Variants in SHISAL1 observed in about 807,000 individuals in gnomAD.
SHISAL1 encodes shisa like 1.
A neutral mutation model predicts 22.6 loss-of-function variants in SHISAL1; 9 were observed. The ratio of observed to expected loss-of-function variants is 0.40; its 90% CI spans 0.24 to 0.70. The LOEUF is 0.70. Ranked by LOEUF, SHISAL1 falls within the 30% of genes least tolerant of loss-of-function variation. The pLI is 0.39. For synonymous variants in SHISAL1, 119 were observed against 115.4 expected (o/e 1.03, Z -0.20); for missense variants, 246 against 270.6 (o/e 0.91, Z 0.64).
chr22:44,311,720 G>T (rs2055520073), intron 1 of SHISAL1, among the ~76,000 whole-genome samples: 2 of 152,226 alleles, frequency 1.3e-5, no homozygotes, highest in African/African-American at 4.8e-5. Flanking sequence ...GAAGGCCCTA[G>T]ATGCCCCACT....
intron 4 of SHISAL1, among the ~76,000 whole-genome samples, chr22:44,259,518 CA>C (rs1012504567): frequency 4.1e-4 from 60 of 147,226 alleles, no homozygotes; most frequent in Non-Finnish European, 7.9e-4. Context: ...AGCTGGGAAA[CA>C]GCAGGATGGG....
At chr22:44,257,272 G>A (rs1425458784) in intron 4 of SHISAL1, among the ~76,000 whole-genome samples, 1 of 152,182 alleles carries the variant, frequency 6.6e-6, no homozygotes, top group African/African-American at 2.4e-5. Context: ...ACAGAAAGGT[G>A]GTTAACAGCA....
chr22:44,319,785 T>A, the SHISAL1 span, among the ~76,000 whole-genome samples: 1 of 152,190 alleles, frequency 6.6e-6, no homozygotes, highest in Non-Finnish European at 1.5e-5. Context: ...AGCATTTGGC[T>A]CAAGTCGTGA....
the SHISAL1 span, among the ~76,000 whole-genome samples, chr22:44,323,056 TCCACCCACCTCACCCACCCATCCAC>T: frequency 1.6e-5 from 2 of 125,168 alleles, no homozygotes; most frequent in African/African-American, 3.2e-5. Context: ...CATCCATCCA[TCCACCCACCTCACCCACCCATCCAC>T]CCATCCATCC....
rs2055027474 is a variant in SHISAL1 at position 44,249,106 on chromosome 22, C to A, written c.*579G>T. 6.6e-6 allele frequency: 1 copy of A among 152,064 alleles called. No individual in the cohort carries two copies. 9.4% of individuals were successfully genotyped at this position (152,064 alleles called of 1,614,324 possible). A position where few individuals can be genotyped will look rare whatever the true frequency, so the allele number is the denominator to read the frequency against. Reference sequence around the variant, plus strand: ...CTTAGCAATAAGCTTGCGGCTCGGACATTGACACGGATGAGAACCCCCAGC... The same window carrying A: ...CTTAGCAATAAGCTTGCGGCTCGGAAATTGACACGGATGAGAACCCCCAGC... On this transcript the variant is annotated 3_prime_UTR_variant, in exon 5 of 5. Transcript: ENST00000381176.
At chr22:44,307,446 C>T (rs1362012449) in intron 1 of SHISAL1, among the ~76,000 whole-genome samples, 3 of 152,192 alleles carry the variant, frequency 2.0e-5, no homozygotes, top group Non-Finnish European at 4.4e-5. Context: ...ACTGAAAAAG[C>T]TTCTGAGGCC....
At chr22:44,251,581 T>C (rs1569206069) in intron 4 of SHISAL1, among the ~76,000 whole-genome samples, 1 of 152,170 alleles carries the variant, frequency 6.6e-6, no homozygotes, top group Non-Finnish European at 1.5e-5. Context: ...CAGTTCCACA[T>C]GTCTGGGGAG....
At chr22:44,321,693 C>G in the SHISAL1 span, among the ~76,000 whole-genome samples, 5 of 152,336 alleles carry the variant, frequency 3.3e-5, no homozygotes, top group Non-Finnish European at 5.9e-5. Context: ...GCACCCACCC[C>G]CTTCTGAGGA....
intron 4 of SHISAL1, among the ~76,000 whole-genome samples, chr22:44,251,296 A>G (rs1256019398): frequency 1.3e-5 from 2 of 152,258 alleles, no homozygotes; most frequent in East Asian, 3.8e-4. Context: ...TTAAAGCCCA[A>G]TGAACCATCT....
the SHISAL1 span, among the ~76,000 whole-genome samples, chr22:44,326,695 C>T: frequency 3.3e-5 from 5 of 152,140 alleles, no homozygotes; most frequent in East Asian, 5.8e-4. Context: ...GGAGTATGTG[C>T]CCCAGATGGG....
chr22:44,249,144 C>T lies in SHISAL1; in HGVS notation c.*541G>A, dbSNP rs1438276183. ...GAGAACCCCCAGCCGGAGGGTGACT[C>T]ATGCCCATCAGAGAACTTGAGGGGG... is the stretch of plus-strand genomic sequence containing the variant. On this transcript the variant is annotated 3_prime_UTR_variant, in exon 5 of 5. Coordinates refer to ENST00000381176, the MANE Select transcript of SHISAL1 (RefSeq NM_001099294.2). 1 of 152,300 alleles carries T rather than the reference C, an allele frequency of 6.6e-6. No homozygotes were observed. The highest frequency in any genetic ancestry group is 2.4e-5 in the African/African-American group (1 of 41,286). The allele number at this position is 152,300 out of a possible 1,614,324, so 9.4% of individuals were successfully genotyped here.
At chr22:44,323,646 A>ACTAT in the SHISAL1 span, among the ~76,000 whole-genome samples, 1 of 111,232 alleles carries the variant, frequency 9.0e-6, no homozygotes, top group Non-Finnish European at 1.9e-5. Context: ...CCACCCACTC[A>ACTAT]CCATCCATCC....
intron 2 of SHISAL1, among the ~76,000 whole-genome samples, chr22:44,298,958 G>A (rs2055407034): frequency 6.6e-6 from 1 of 152,228 alleles, no homozygotes; most frequent in Admixed American, 6.5e-5. Context: ...CAACCGGGTG[G>A]GAGTCCTGGC....
At chr22:44,261,330 T>G (rs963179290) in intron 4 of SHISAL1, among the ~76,000 whole-genome samples, 2 of 151,646 alleles carry the variant, frequency 1.3e-5, no homozygotes, top group African/African-American at 4.8e-5. Context: ...CCCTCCCCTA[T>G]CTCCACCTAG....
intron 4 of SHISAL1, among the ~76,000 whole-genome samples, chr22:44,275,237 C>T (rs2055231605): frequency 1.3e-5 from 2 of 152,168 alleles, no homozygotes; most frequent in South Asian, 4.1e-4. Context: ...CGGAAAGATT[C>T]CCAGGGCTGG....
intron 4 of SHISAL1, among the ~76,000 whole-genome samples, chr22:44,276,670 T>C (rs966173870): frequency 9.9e-5 from 15 of 151,944 alleles, no homozygotes; most frequent in African/African-American, 3.6e-4. Flanking sequence ...AGCGGGGATG[T>C]GGATGTGCCG....
At chr22:44,309,689 C>T (rs2055504535) in intron 1 of SHISAL1, among the ~76,000 whole-genome samples, 1 of 152,234 alleles carries the variant, frequency 6.6e-6, no homozygotes, top group Non-Finnish European at 1.5e-5. Flanking sequence ...ACACAGCACA[C>T]ACATGTACAC....
At chr22:44,277,182 A>G (rs993151277) in intron 4 of SHISAL1, among the ~76,000 whole-genome samples, 2 of 152,112 alleles carry the variant, frequency 1.3e-5, no homozygotes, top group Non-Finnish European at 2.9e-5. Context: ...CAGAGCCGTG[A>G]ACAGTGGGGA....
At chr22:44,265,240 G>A (rs1314897043) in intron 4 of SHISAL1, among the ~76,000 whole-genome samples, 2 of 152,144 alleles carry the variant, frequency 1.3e-5, no homozygotes, top group Admixed American at 6.5e-5. Context: ...TAACAAATGG[G>A]TAGAAGTGAC....
Sources: gnomAD v4.1 joint callset for allele counts (sites outside exome capture counted in the v4.1 genomes callset) on GRCh38, gnomAD v4.1.1 for gene constraint, MANE v1.5 for transcripts, NCBI Gene and HGNC (gene_info 2026-07-23, HGNC 2026-07-21) for gene names.